The following FAM169A variants were observed in gnomAD, a reference collection of about 807,000 sequenced individuals.
FAM169A encodes the protein soluble lamin-associated protein of 75 kDa.
In FAM169A, 24 loss-of-function variants were observed where a neutral mutation model predicts 75.7. That is an observed-to-expected ratio of 0.32 (90% confidence interval 0.23 to 0.45). The LOEUF is 0.45. Ranked by LOEUF, FAM169A falls within the 20% of genes least tolerant of loss-of-function variation. FAM169A has a pLI of 1.00. For synonymous variants in FAM169A, 271 were observed against 271.0 expected, an observed-to-expected ratio of 1.00 and a Z score of 0.00; for missense variants, 673 against 784.0, an observed-to-expected ratio of 0.86 and a Z score of 1.69.
intron 11 of FAM169A, among the ~76,000 whole-genome samples, chr5:74,786,468 T>TG (rs1251312211): frequency 1.3e-5 from 2 of 152,180 alleles, no homozygotes; most frequent in Admixed American, 6.5e-5. Context: ...TGATAGTCTT[T>TG]GGCATGAACT....
At chr5:74,839,416 T>C (rs1409829266) in intron 3 of FAM169A, among the ~76,000 whole-genome samples, 4 of 152,014 alleles carry the variant, frequency 2.6e-5, no homozygotes, top group African/African-American at 9.7e-5. Context: ...GCGCACACAC[T>C]CTCTCTTGCC....
chr5:74,824,919 T>A (rs1448463044), intron 5 of FAM169A, among the ~76,000 whole-genome samples: 1 of 152,082 alleles, frequency 6.6e-6, no homozygotes. Flanking sequence ...CTTAAATACA[T>A]TCACACACCC....
At chr5:74,796,946 T>C (rs921101683) in intron 10 of FAM169A, among the ~76,000 whole-genome samples, 1 of 152,146 alleles carries the variant, frequency 6.6e-6, no homozygotes, top group Non-Finnish European at 1.5e-5. Context: ...TTCCTGACTT[T>C]CTATGCCCAT....
At chr5:74,840,799 A>C (rs1249917008) in intron 2 of FAM169A, among the ~76,000 whole-genome samples, 1 of 151,952 alleles carries the variant, frequency 6.6e-6, no homozygotes, top group African/African-American at 2.4e-5. Context: ...AATGCACTCC[A>C]ACCTGGGCGA....
intron 7 of FAM169A, 66 bp downstream of exon 7, chr5:74,805,090 G>T: frequency 1.4e-6 from 2 of 1,411,426 alleles, no homozygotes. Context: ...GGACTTATGG[G>T]CCAGCAAGGA....
Position 74,841,569 on chromosome 5 carries a change from C to T in FAM169A, c.108G>A (p.Glu36=). ...CCGTAATATTGAGAAGAGAAAAACA[C>T]TCTGGATTTTCAGGGTCCCCACACC... ...DLRCGDPENP[E]CFSLLNITIP... Residue 36 remains glutamate, a synonymous_variant, in exon 2 of 13, where the codon GAG becomes GAA. Transcript: ENST00000687041. 5 of 1,613,016 alleles carry T rather than the reference C, an allele frequency of 3.1e-6. No individual in the cohort carries two copies. The highest frequency in any genetic ancestry group is 3.4e-6 in the Non-Finnish European group (4 of 1,179,356).
chr5:74,799,452 C>G, intron 10 of FAM169A: 1 of 1,612,464 alleles, frequency 6.2e-7, no homozygotes. Flanking sequence ...GGCATCCCAA[C>G]AATGTTTTGC....
intron 5 of FAM169A, among the ~76,000 whole-genome samples, chr5:74,821,243 C>T (rs955556987): frequency 2.0e-5 from 3 of 152,182 alleles, no homozygotes; most frequent in African/African-American, 7.2e-5. Context: ...TCTCACACTT[C>T]CCCCGCCTCC....
intron 1 of FAM169A, among the ~76,000 whole-genome samples, chr5:74,843,943 A>C (rs575615771): frequency 1.1e-4 from 16 of 152,348 alleles, no homozygotes; most frequent in Non-Finnish European, 2.1e-4. Flanking sequence ...TGATTCAACA[A>C]GAAAATCAGA....
At chr5:74,825,930 G>C (rs1011858561) in intron 5 of FAM169A, among the ~76,000 whole-genome samples, 4 of 151,986 alleles carry the variant, frequency 2.6e-5, no homozygotes, top group Admixed American at 2.6e-4. Context: ...CTTTTAATCT[G>C]GAAATGTGTG....
intron 6 of FAM169A, among the ~76,000 whole-genome samples, chr5:74,811,789 G>A (rs6453086): frequency 0.29 from 43,574 of 152,080 alleles, 7,489 homozygotes; most frequent in African/African-American, 0.48. Flanking sequence ...CGGCATTGAC[G>A]ATAAATGGAA....
intron 10 of FAM169A, chr5:74,798,945 C>A (rs1252926108): frequency 1.2e-6 from 1 of 864,084 alleles, no homozygotes; most frequent in Non-Finnish European, 1.9e-6. Flanking sequence ...CCAAGACCGT[C>A]CGGACTGCCC....
At chr5:74,844,280 C>G (rs1749032574) in intron 1 of FAM169A, among the ~76,000 whole-genome samples, 1 of 151,786 alleles carries the variant, frequency 6.6e-6, no homozygotes, top group South Asian at 2.1e-4. Context: ...CTGGGCCACA[C>G]AGTGAGACCT....
intron 8 of FAM169A, among the ~76,000 whole-genome samples, chr5:74,802,385 TAA>T (rs1238276714): frequency 3.5e-5 from 5 of 142,146 alleles, no homozygotes; most frequent in South Asian, 2.2e-4. Context: ...ATTTTTTTGA[TAA>T]AAAAAAAAAG....
chr5:74,854,384 G>A (rs1185144818), intron 1 of FAM169A, among the ~76,000 whole-genome samples: 1 of 147,044 alleles, frequency 6.8e-6, no homozygotes, highest in Non-Finnish European at 1.5e-5. Context: ...GACACAGCGA[G>A]ACTCCATCTC....
intron 5 of FAM169A, among the ~76,000 whole-genome samples, chr5:74,815,249 G>C (rs185106975): frequency 4.9e-4 from 75 of 151,686 alleles, no homozygotes; most frequent in Admixed American, 4.7e-3. Context: ...GAGGGCAATG[G>C]CACGATTTCA....
intron 1 of FAM169A, among the ~76,000 whole-genome samples, chr5:74,848,270 A>C (rs996704402): frequency 2.0e-5 from 3 of 152,140 alleles, no homozygotes; most frequent in Non-Finnish European, 4.4e-5. Flanking sequence ...CAGGCTTTAG[A>C]GAGACTGTCA....
At chr5:74,805,064 C>G in intron 7 of FAM169A, 92 bp downstream of exon 7, 3 of 1,057,396 alleles carry the variant, frequency 2.8e-6, no homozygotes, top group Non-Finnish European at 4.3e-6. Flanking sequence ...CATTATTAGC[C>G]TCTGCTTTTT....
intron 11 of FAM169A, among the ~76,000 whole-genome samples, 155 bp from the exon 12 acceptor site, chr5:74,783,289 A>G (rs564746665): frequency 1.3e-5 from 2 of 152,298 alleles, no homozygotes; most frequent in African/African-American, 4.8e-5. Context: ...TTACTGGGGG[A>G]AGGAGGAAAC....
Sources: allele counts gnomAD v4.1 joint callset (sites outside exome capture counted in the v4.1 genomes callset), GRCh38; gene constraint gnomAD v4.1.1; transcripts MANE v1.5; gene names NCBI Gene and HGNC (gene_info 2026-07-23, HGNC 2026-07-21).